Variants in HMCN1 observed in about 807,000 individuals in gnomAD.
The protein encoded by HMCN1 is hemicentin 1.
In HMCN1, 321 loss-of-function variants were observed where a neutral mutation model predicts 625.9. The ratio of observed to expected loss-of-function variants is 0.51; its 90% CI spans 0.47 to 0.56. HMCN1 has a LOEUF of 0.56. Ranked by LOEUF, HMCN1 falls within the 20% of genes least tolerant of loss-of-function variation. The pLI is 0.00. For missense variants in HMCN1, 6,588 were observed against 6,887.3 expected, an observed-to-expected ratio of 0.96 and a Z score of 1.54; for synonymous variants, 2,425 against 2,417.6, an observed-to-expected ratio of 1.00 and a Z score of -0.09.
intron 1 of HMCN1, among the ~76,000 whole-genome samples, chr1:185,819,435 A>G (rs1660051469): frequency 6.6e-6 from 1 of 152,074 alleles, no homozygotes; most frequent in South Asian, 2.1e-4. Context: ...ACTTTTTCCT[A>G]TTTATCACTT....
In HMCN1 at chr1:186,151,734, T is replaced by C; in HGVS notation, c.14887T>C (p.Phe4963Leu). The change falls in exon 95 of 107, where the codon TTT becomes CTT. Residue 4963 changes from phenylalanine to leucine, a missense_variant. Transcript: ENST00000271588. ...CTTCAAAAGAGAAACTCAAGTGGAA[T>C]TTGCAACTGGTTAGTGTCAGCTGAA... Reference protein sequence around the residue: ...AVFKRETQVEFATGEILQMSH... With the variant: ...AVFKRETQVELATGEILQMSH... The C allele has an allele frequency of 6.2e-7, 1 of 1,613,652 alleles. No individual in the cohort carries two copies. Among genetic ancestry groups the C allele is most frequent in the Non-Finnish European group, 8.5e-7 (1 of 1,179,680 alleles).
At chr1:186,096,639 A>G (rs1457667994) in intron 68 of HMCN1, among the ~76,000 whole-genome samples, 1 of 152,156 alleles carries the variant, frequency 6.6e-6, no homozygotes, top group South Asian at 2.1e-4. Flanking sequence ...AGTTGCAAAA[A>G]TGCTCAACAA....
intron 8 of HMCN1, 104 bp downstream of exon 8, chr1:185,923,757 A>T: frequency 4.2e-6 from 4 of 957,604 alleles, no homozygotes; most frequent in Non-Finnish European, 6.5e-6. Context: ...ATGTCTTCAT[A>T]TTATTACTGC....
chr1:186,156,277 G>GA (rs1474024258), intron 97 of HMCN1, among the ~76,000 whole-genome samples: 1 of 151,994 alleles, frequency 6.6e-6, no homozygotes, highest in Non-Finnish European at 1.5e-5. Flanking sequence ...TATGCACCAA[G>GA]AAAAAATATT....
At chr1:185,787,447 A>C (rs1466549975) in intron 1 of HMCN1, among the ~76,000 whole-genome samples, 1 of 152,218 alleles carries the variant, frequency 6.6e-6, no homozygotes, top group Non-Finnish European at 1.5e-5. Flanking sequence ...CAGATACGCC[A>C]GTTGACTGAA....
intron 1 of HMCN1, among the ~76,000 whole-genome samples, chr1:185,764,287 G>T (rs2102129702): frequency 6.6e-6 from 1 of 152,264 alleles, no homozygotes; most frequent in African/African-American, 2.4e-5. Flanking sequence ...TGACAAATAG[G>T]TTCAGTAAAG....
In HMCN1 at chr1:186,032,587, G is replaced by A. The variant is rs116133205; in HGVS notation, c.5750-5347G>A. Among the ~76,000 whole-genome samples, 860 of 152,172 alleles carry A rather than the reference G, an allele frequency of 5.7e-3. 10 individuals are homozygous for A. Among genetic ancestry groups the A allele is most frequent in the African/African-American group, 0.02 (839 of 41,520 alleles). On this transcript the variant is annotated intron_variant, in intron 36 of 106. Coordinates refer to ENST00000271588, the MANE Select transcript of HMCN1 (RefSeq NM_031935.3). ...GCTGCTACTATGTGAAGAAGAATGT[G>A]TTTGCTTCCCCTTCGGCCATGATTA...
At chr1:185,763,321 A>G (rs1314389741) in intron 1 of HMCN1, among the ~76,000 whole-genome samples, 23 of 152,168 alleles carry the variant, frequency 1.5e-4, no homozygotes, top group Admixed American at 1.5e-3. Flanking sequence ...TTTGGGGTCA[A>G]GGGCTGGCAG....
intron 15 of HMCN1, among the ~76,000 whole-genome samples, chr1:185,972,400 G>A (rs1650895076): frequency 1.3e-5 from 2 of 152,132 alleles, no homozygotes; most frequent in Non-Finnish European, 2.9e-5. Flanking sequence ...GTGTTGGGGT[G>A]ACTTACATTG....
At chr1:186,043,238 AG>A (rs748514698) in intron 40 of HMCN1, among the ~76,000 whole-genome samples, 2 of 152,138 alleles carry the variant, frequency 1.3e-5, no homozygotes, top group Non-Finnish European at 2.9e-5. Flanking sequence ...ATAACCACAA[AG>A]CAAAATAAGG....
intron 70 of HMCN1, among the ~76,000 whole-genome samples, chr1:186,108,038 A>T (rs1660701116): frequency 5.6e-5 from 2 of 36,008 alleles, no homozygotes; most frequent in South Asian, 8.1e-4. Flanking sequence ...AATTCTGTAA[A>T]AAAAAAAAAA....
At chr1:185,964,006 C>T (rs552374652) in intron 13 of HMCN1, 111 bp downstream of exon 13, 2 of 899,776 alleles carry the variant, frequency 2.2e-6, no homozygotes, top group South Asian at 1.4e-5. Flanking sequence ...TGGTATTATA[C>T]TTTATTATTC....
chr1:186,025,874 C>T (rs943081293), intron 36 of HMCN1, among the ~76,000 whole-genome samples: 4 of 152,154 alleles, frequency 2.6e-5, no homozygotes, highest in African/African-American at 9.7e-5. Context: ...ATACAAATCA[C>T]AGGATAAAAG....
At position 185,924,215 on chromosome 1, in the gene HMCN1, C is replaced by CTTTTTTTTTTTTTT. The variant is rs58164381; in HGVS notation, c.1285+582_1285+595dup. On this transcript the variant is annotated intron_variant, in intron 8 of 106. Coordinates refer to ENST00000271588, the MANE Select transcript of HMCN1 (RefSeq NM_031935.3). ...GCTCATGACTGAACTCTGACCCAAT[C>CTTTTTTTTTTTTTT]TTTTTTTTTTTTTTTTTTTTTTTTT... Among the ~76,000 whole-genome samples, 14 of 43,650 alleles carry CTTTTTTTTTTTTTT rather than the reference C, an allele frequency of 3.2e-4. 3 individuals carry two copies. Among genetic ancestry groups the CTTTTTTTTTTTTTT allele is most frequent in the African/African-American group, 8.8e-4 (10 of 11,316 alleles). The allele number at this position is 43,650 out of a possible 152,430, so 28.6% of individuals were successfully genotyped here.
intron 1 of HMCN1, among the ~76,000 whole-genome samples, chr1:185,817,332 A>G (rs973314399): frequency 1.3e-5 from 2 of 152,152 alleles, no homozygotes; most frequent in African/African-American, 4.8e-5. Flanking sequence ...GCAGCAATAG[A>G]CAGCAGTGGA....
intron 63 of HMCN1, among the ~76,000 whole-genome samples, chr1:186,089,510 A>G (rs1053457285): frequency 1.3e-5 from 2 of 152,036 alleles, no homozygotes; most frequent in African/African-American, 4.8e-5. Context: ...CACAGGTATC[A>G]GTGGTCTCTC....
At chr1:186,039,080 TTGTG>T in intron 38 of HMCN1, 75 bp downstream of exon 38, 2 of 1,005,856 alleles carry the variant, frequency 2.0e-6, no homozygotes, top group Non-Finnish European at 3.2e-6. Context: ...TATAAAATTC[TTGTG>T]TAAGTATTTA....
At chr1:185,926,615 G>A (rs975494143) in intron 9 of HMCN1, among the ~76,000 whole-genome samples, 1 of 152,072 alleles carries the variant, frequency 6.6e-6, no homozygotes, top group Admixed American at 6.6e-5. Context: ...CAGCTCTGTG[G>A]CCCAGAGATA....
intron 86 of HMCN1, among the ~76,000 whole-genome samples, chr1:186,135,169 A>G (rs567428517): frequency 6.6e-6 from 1 of 152,308 alleles, no homozygotes; most frequent in African/African-American, 2.4e-5. Flanking sequence ...ATATAGACGT[A>G]AACATTCTGC....
Sources: gnomAD v4.1 joint callset for allele counts (sites outside exome capture counted in the v4.1 genomes callset) on GRCh38, gnomAD v4.1.1 for gene constraint, MANE v1.5 for transcripts, NCBI Gene and HGNC (gene_info 2026-07-23, HGNC 2026-07-21) for gene names.